The following KDM1A variants were observed in gnomAD, a reference collection of about 807,000 sequenced individuals.
KDM1A encodes the protein lysine-specific histone demethylase 1A.
Under a neutral mutation model 109.4 loss-of-function variants are expected in KDM1A, and 49 were observed. That is an observed-to-expected ratio of 0.45 (90% CI 0.36 to 0.57). The LOEUF (loss-of-function observed/expected upper bound fraction) is 0.57. KDM1A is among the 20% of genes least tolerant of loss of function. The pLI, the probability that KDM1A is intolerant of heterozygous loss-of-function variation, is 0.00. For missense variants in KDM1A, 668 were observed against 1,116.6 expected (o/e 0.60, Z 5.73); for synonymous variants, 380 against 415.4 (o/e 0.91, Z 1.04).
chr1:23,039,877 G>A (rs570737750), intron 2 of KDM1A, among the ~76,000 whole-genome samples: 26 of 152,326 alleles, frequency 1.7e-4, no homozygotes, highest in African/African-American at 6.0e-4. Context: ...AAAACAGAGA[G>A]TCTACCTGTT....
intron 2 of KDM1A, among the ~76,000 whole-genome samples, chr1:23,037,922 C>A (rs1002692799): frequency 1.9e-4 from 29 of 152,068 alleles, no homozygotes; most frequent in African/African-American, 6.5e-4. Flanking sequence ...TATTTGAATT[C>A]TTTTTGTTGC....
In KDM1A at chr1:23,079,192, A is replaced by G. The variant is rs747634233; in HGVS notation, c.2055+15A>G. 1.9e-6 allele frequency: 3 copies of G among 1,612,330 alleles called. No homozygotes were observed. The Admixed American group carries it at 5.0e-5, about 27-fold the overall frequency. On this transcript the variant is annotated intron_variant, in intron 17 of 20. Transcript: ENST00000400181. The surrounding 1 kb of genome is among the most constrained non-coding windows in gnomAD (Gnocchi z 5.6). ...ACCTTAACAAGGTAGCTTGCCCTAG[A>G]CACTCCTGTCTACAGATCTGATGTA... is the stretch of plus-strand genomic sequence containing the variant.
At chr1:23,072,060 T>C (rs1643336644) in intron 13 of KDM1A, 64 bp from the exon 14 acceptor site, 1 of 962,140 alleles carries the variant, frequency 1.0e-6, no homozygotes. Context: ...TACTTTGTGG[T>C]ACAAAGAAAC....
Position 23,066,705 on chromosome 1 carries a change from C to T in KDM1A, c.1179+634C>T, listed in dbSNP as rs772898323. Among the ~76,000 whole-genome samples, 4 of 152,104 alleles carry T rather than the reference C, an allele frequency of 2.6e-5. No individual in the cohort carries two copies. In the South Asian group the frequency reaches 6.2e-4, roughly 24 times the overall value. On this transcript the variant is annotated intron_variant, in intron 10 of 20. Coordinates refer to ENST00000400181, the MANE Select transcript of KDM1A (RefSeq NM_001009999.3). The stretch of plus-strand genomic sequence containing the variant: ...TTATACTCCAGGAAAAGCAGTCAGG[C>T]GCATTGCATCTGTGATCAGTTAAGG...
At chr1:23,048,578 CT>C (rs1343989329) in intron 3 of KDM1A, among the ~76,000 whole-genome samples, 4 of 152,020 alleles carry the variant, frequency 2.6e-5, no homozygotes, top group Non-Finnish European at 5.9e-5. Context: ...ATAGTTTTTT[CT>C]CCTGGTCTCT....
At chr1:23,057,421 TAC>T in intron 7 of KDM1A, 61 bp from the exon 8 acceptor site, 1 of 1,197,776 alleles carries the variant, frequency 8.3e-7, no homozygotes, top group Non-Finnish European at 1.2e-6. Context: ...CGTGGTATGG[TAC>T]TATGCCAGGT....
rs746906223 is a variant in KDM1A at position 23,073,377 on chromosome 1, ACT to A, written c.1714_1715del (p.Ser572ProfsTer2). ...ATTTGCTAATGCCACACCTCTCTCA[ACT>A]CTCTCCCTTAAGCACTGGGATCAGG... Reference protein sequence around the residue: ...LEFANATPLSTLSLKHWDQDD... With the variant: ...LEFANATPLSXLSLKHWDQDD... On this transcript the variant is annotated frameshift_variant, in exon 15 of 21. Coordinates refer to ENST00000400181, the MANE Select transcript of KDM1A (RefSeq NM_001009999.3). LOFTEE classifies it high-confidence loss of function. 6.2e-7 allele frequency: 1 copy of A among 1,607,926 alleles called. No homozygotes were observed. The highest frequency in any genetic ancestry group is 8.5e-7 in the Non-Finnish European group (1 of 1,174,920).
intron 20 of KDM1A, chr1:23,082,794 T>G (rs1643659342): frequency 1.5e-5 from 3 of 199,858 alleles, no homozygotes; most frequent in Admixed American, 1.1e-4. Context: ...AATTCCTTAG[T>G]GTCATAGCCC....
intron 2 of KDM1A, among the ~76,000 whole-genome samples, chr1:23,032,279 C>T (rs949919990): frequency 1.3e-5 from 2 of 151,774 alleles, no homozygotes; most frequent in African/African-American, 2.4e-5. Context: ...ATTGATTTAC[C>T]ATAGGTTCCA....
intron 1 of KDM1A, among the ~76,000 whole-genome samples, chr1:23,021,047 G>GA (rs1425134248): frequency 6.6e-6 from 1 of 152,158 alleles, no homozygotes; most frequent in Non-Finnish European, 1.5e-5. Flanking sequence ...ATTTATGCCT[G>GA]AAAAAATTGT....
At chr1:23,024,655 G>A (rs1641740575) in intron 1 of KDM1A, among the ~76,000 whole-genome samples, 1 of 152,218 alleles carries the variant, frequency 6.6e-6, no homozygotes, top group African/African-American at 2.4e-5. Flanking sequence ...GGTAAATTGG[G>A]TTGGAACTTC....
chr1:23,035,315 G>T (rs1642111531), intron 2 of KDM1A, among the ~76,000 whole-genome samples: 1 of 152,138 alleles, frequency 6.6e-6, no homozygotes, highest in African/African-American at 2.4e-5. Flanking sequence ...CAATTCTCCT[G>T]CCTTAGTCTC....
intron 9 of KDM1A, among the ~76,000 whole-genome samples, chr1:23,065,824 G>T (rs1643146302): frequency 6.6e-6 from 1 of 151,736 alleles, no homozygotes; most frequent in Non-Finnish European, 1.5e-5. Context: ...TCACTCCCCT[G>T]TCTTTTGTTA....
intron 2 of KDM1A, among the ~76,000 whole-genome samples, chr1:23,032,369 TTTTA>T (rs1213931948): frequency 6.6e-6 from 1 of 152,060 alleles, no homozygotes; most frequent in Admixed American, 6.5e-5. Context: ...TTTTTTTTTT[TTTTA>T]ATTTCATAAA....
intron 10 of KDM1A, among the ~76,000 whole-genome samples, chr1:23,067,703 C>T (rs542558294): frequency 1.3e-5 from 2 of 152,350 alleles, no homozygotes; most frequent in South Asian, 4.1e-4. Context: ...CTTTCTCTCA[C>T]TTCTGCCATC....
chr1:23,028,205 A>G (rs1641869128), intron 1 of KDM1A, among the ~76,000 whole-genome samples: 1 of 152,210 alleles, frequency 6.6e-6, no homozygotes, highest in African/African-American at 2.4e-5. Context: ...AGGCTGGAGC[A>G]CAGTGGTGCG....
At chr1:23,030,328 T>C (rs1641945766) in intron 1 of KDM1A, 141 bp from the exon 2 acceptor site, 1 of 531,314 alleles carries the variant, frequency 1.9e-6, no homozygotes, top group South Asian at 5.5e-5. Flanking sequence ...CTACCTATTA[T>C]GAGCTGCCTT....
At chr1:23,022,198 G>A (rs149966194) in intron 1 of KDM1A, among the ~76,000 whole-genome samples, 41 of 152,222 alleles carry the variant, frequency 2.7e-4, no homozygotes, top group Middle Eastern at 6.8e-3. Flanking sequence ...AGGAATTCCT[G>A]GGTTTTATGT....
chr1:23,047,383 G>A (rs540563914), intron 3 of KDM1A, among the ~76,000 whole-genome samples: 6 of 152,240 alleles, frequency 3.9e-5, no homozygotes, highest in Non-Finnish European at 8.8e-5. Flanking sequence ...AGAATAGCTA[G>A]TTTTCTTAGA....
Sources: allele counts gnomAD v4.1 joint callset (sites outside exome capture counted in the v4.1 genomes callset), GRCh38; gene constraint gnomAD v4.1.1; non-coding constraint Gnocchi (gnomAD v3.1); transcripts MANE v1.5; gene names NCBI Gene and HGNC (gene_info 2026-07-23, HGNC 2026-07-21).